Variants in FANCA observed in about 807,000 individuals in gnomAD.
The protein encoded by FANCA is Fanconi anemia group A protein.
A neutral mutation model predicts 194.3 loss-of-function variants in FANCA; 236 were observed. The observed-to-expected ratio is 1.21, with a 90% CI of 1.09 to 1.35. The LOEUF (loss-of-function observed/expected upper bound fraction) is 1.35. Ranked by LOEUF, FANCA falls within the 40% of genes most tolerant of loss-of-function variation. The pLI is 0.00. For synonymous variants in FANCA, 1,014 were observed against 715.8 expected (o/e 1.42, Z -6.65); for missense variants, 2,628 against 1,813.9 (o/e 1.45, Z -8.15).
intron 13 of FANCA, 137 bp from the exon 14 acceptor site, chr16:89,791,673 C>G: frequency 8.0e-7 from 1 of 1,252,614 alleles, no homozygotes; most frequent in Non-Finnish European, 1.1e-6. Context: ...GACTACACAG[C>G]AATTACAGCA....
chr16:89,748,766 T>C lies in FANCA; in HGVS notation c.3241A>G (p.Ile1081Val), dbSNP rs572599592. 7.4e-6 allele frequency: 12 copies of C among 1,613,640 alleles called. No individual in the cohort carries two copies. The highest frequency in any genetic ancestry group is 1.3e-5 in the African/African-American group (1 of 75,030). The change falls in exon 33 of 43, where the codon ATC becomes GTC. Residue 1081 changes from isoleucine to valine, a missense_variant and splice_region_variant. Transcript: ENST00000389301. ...RQRELLMYKR[I>V]LLRLPSSVLC... ...ACAGACGAAGGCAGGCGGAGGAGGATCCTGGAAAGAAGGGGCTGTATTGGT... is the reference window on the plus strand; with the variant it reads ...ACAGACGAAGGCAGGCGGAGGAGGACCCTGGAAAGAAGGGGCTGTATTGGT...
intron 12 of FANCA, 142 bp from the exon 13 acceptor site, chr16:89,792,210 A>C: frequency 9.5e-7 from 1 of 1,048,916 alleles, no homozygotes; most frequent in Non-Finnish European, 1.5e-6. Context: ...GTGACAGCTC[A>C]CACCGTGGCG....
chr16:89,791,723 G>A, intron 13 of FANCA, 187 bp from the exon 14 acceptor site: 1 of 974,990 alleles, frequency 1.0e-6, no homozygotes, highest in Non-Finnish European at 1.6e-6. Flanking sequence ...TGAAGCAGCA[G>A]TGGACACTCT....
rs143214941 is a variant in FANCA, at chr16:89,797,360, C to G, written c.894-1342G>C. The stretch of plus-strand genomic sequence containing the variant: ...AAATAAAGAAAGAAAGAAAGAAAAT[C>G]AAGGGTCCTGGCGGTTCAGTGAACT... On this transcript the variant is annotated intron_variant, in intron 10 of 42. Transcript: ENST00000389301. Among the ~76,000 whole-genome samples, 229 of 151,984 alleles carry G rather than the reference C, an allele frequency of 1.5e-3. 1 individual carries two copies. Among genetic ancestry groups the G allele is most frequent in the African/African-American group, 4.9e-3 (203 of 41,488 alleles).
At chr16:89,768,381 A>G (rs1567616996) in intron 26 of FANCA, among the ~76,000 whole-genome samples, 1 of 152,150 alleles carries the variant, frequency 6.6e-6, no homozygotes, top group Admixed American at 6.6e-5. Context: ...ACTAATACAT[A>G]TTTGAGCTGG....
At chr16:89,779,201 G>A (rs1658627680) in intron 18 of FANCA, among the ~76,000 whole-genome samples, 198 bp from the exon 19 acceptor site, 1 of 152,080 alleles carries the variant, frequency 6.6e-6, no homozygotes, top group South Asian at 2.1e-4. Context: ...GAGTCCGTGG[G>A]AATCAGGACC....
intron 2 of FANCA, among the ~76,000 whole-genome samples, 164 bp from the exon 3 acceptor site, chr16:89,814,777 C>A (rs927432031): frequency 6.7e-6 from 1 of 149,952 alleles, no homozygotes; most frequent in Non-Finnish European, 1.5e-5. Flanking sequence ...CCTGTCTCTA[C>A]TAAAAATACA....
intron 14 of FANCA, among the ~76,000 whole-genome samples, chr16:89,790,356 T>C (rs1051553904): frequency 1.3e-5 from 2 of 151,134 alleles, no homozygotes; most frequent in Non-Finnish European, 2.9e-5. Flanking sequence ...GTCGCACCAG[T>C]GCACTCCAGT....
intron 6 of FANCA, among the ~76,000 whole-genome samples, chr16:89,805,967 C>T (rs982037509): frequency 7.2e-5 from 11 of 151,802 alleles, no homozygotes; most frequent in Non-Finnish European, 1.5e-4. Flanking sequence ...GGCTGGAGTG[C>T]AATGGCACAA....
chr16:89,738,234 C>G lies in FANCA; in HGVS notation c.*367G>C. The G allele has an allele frequency of 6.2e-7, 1 of 1,604,514 alleles. No individual in the cohort carries two copies. The highest frequency in any genetic ancestry group is 8.5e-7 in the Non-Finnish European group (1 of 1,176,202). ...CCACAGAGGGCCAGGCGGTGAAGCC[C>G]GAACCCACCTGAGGACGGCAGTGAG... is the stretch of plus-strand genomic sequence containing the variant. On this transcript the variant is annotated 3_prime_UTR_variant, in exon 43 of 43. Transcript: ENST00000389301.
intron 5 of FANCA, 144 bp downstream of exon 5, chr16:89,810,563 C>A (rs931931504): frequency 7.0e-6 from 5 of 709,276 alleles, no homozygotes; most frequent in African/African-American, 1.8e-5. Flanking sequence ...CAGATGATTT[C>A]TAAACCCTTT....
chr16:89,778,627 TAAAAAAAAAAAA>T (rs397693835), intron 20 of FANCA, among the ~76,000 whole-genome samples, 162 bp downstream of exon 20: 29 of 29,934 alleles, frequency 9.7e-4, no homozygotes, highest in East Asian at 2.6e-3. Flanking sequence ...AGACTCCAAC[TAAAAAAAAAAAA>T]AAAAAAAAAA....
intron 7 of FANCA, among the ~76,000 whole-genome samples, chr16:89,803,811 G>T (rs539445600): frequency 3.3e-5 from 5 of 151,900 alleles, no homozygotes; most frequent in Admixed American, 6.6e-5. Context: ...AGTAGAGATG[G>T]GGTTTCACCA....
At position 89,802,439 on chromosome 16, in the gene FANCA, T is replaced by A. The variant is rs564421664; in HGVS notation, c.792+820A>T. Among the ~76,000 whole-genome samples, 2 of 151,818 alleles carry A rather than the reference T, an allele frequency of 1.3e-5. 1 individual carries two copies. The highest frequency in any genetic ancestry group is 4.8e-5 in the African/African-American group (2 of 41,364). On this transcript the variant is annotated intron_variant, in intron 8 of 42. Transcript: ENST00000389301. The stretch of plus-strand genomic sequence containing the variant: ...TTCTTTTTCTGAGATGGAGTCTCTG[T>A]CGCCTAGGCTGGAATACAGTGACAC...
chr16:89,804,805 G>A (rs1312833585), intron 7 of FANCA, among the ~76,000 whole-genome samples: 1 of 152,102 alleles, frequency 6.6e-6, no homozygotes, highest in Non-Finnish European at 1.5e-5. Flanking sequence ...AGGCCGAGGG[G>A]GGTGCATCAC....
chr16:89,744,144 C>G (rs1345500180), intron 36 of FANCA, among the ~76,000 whole-genome samples: 5 of 152,220 alleles, frequency 3.3e-5, no homozygotes, highest in Admixed American at 3.3e-4. Flanking sequence ...ATCCACCTGC[C>G]TTGGCCTCCC....
chr16:89,773,429 A>T (rs1306523926), intron 21 of FANCA, 45 bp from the exon 22 acceptor site: 2 of 1,337,274 alleles, frequency 1.5e-6, no homozygotes, highest in East Asian at 2.5e-5. Flanking sequence ...ACTCAACAGG[A>T]CTCTTCACTG....
rs995956285 is a variant in FANCA, at chr16:89,783,010, G to A, written c.1563C>T (p.Leu521=). 2 of 1,613,864 alleles carry A rather than the reference G, an allele frequency of 1.2e-6. No individual in the cohort carries two copies. Among genetic ancestry groups the A allele is most frequent in the Admixed American group, 1.7e-5 (1 of 59,996 alleles). ...ISLAKTRLAD[L]KVSIENMGLY... is the part of the protein sequence containing the mutation. Reference sequence around the variant, plus strand: ...TGGGCATGGAGGGACAGCTTGCCTTGAGGTCGGCCAGCCGTGTCTTGGCCA... The same window carrying A: ...TGGGCATGGAGGGACAGCTTGCCTTAAGGTCGGCCAGCCGTGTCTTGGCCA... Residue 521 remains leucine, a synonymous_variant, in exon 16 of 43, where the codon CTC becomes CTT. Transcript: ENST00000389301.
At position 89,779,512 on chromosome 16, in the gene FANCA, A is replaced by G. The variant is rs576409952; in HGVS notation, c.1715+357T>C. 3.9e-5 allele frequency among the ~76,000 whole-genome samples: 6 copies of G among 152,200 alleles called. No individual in the cohort carries two copies. In the East Asian group the frequency reaches 5.8e-4, roughly 15 times the overall value. ...CTTCCCTCCCAGTGCAAGCTCCCCA[A>G]TCAGCAGTTCCTGTTGGCTGCTTCA... On this transcript the variant is annotated intron_variant, in intron 18 of 42. Coordinates refer to ENST00000389301, the MANE Select transcript of FANCA (RefSeq NM_000135.4).
Sources: gnomAD v4.1 joint callset for allele counts (sites outside exome capture counted in the v4.1 genomes callset) on GRCh38, gnomAD v4.1.1 for gene constraint, MANE v1.5 for transcripts, NCBI Gene and HGNC (gene_info 2026-07-23, HGNC 2026-07-21) for gene names.